The following ZNF254 variants were observed in gnomAD, a reference collection of about 807,000 sequenced individuals.
ZNF254 encodes CTD-2017D11.1.
A neutral mutation model predicts 12.4 loss-of-function variants in ZNF254; 10 were observed. The observed-to-expected ratio is 0.80, with a 90% CI of 0.50 to 1.36. The LOEUF is 1.36. Ranked by LOEUF, ZNF254 falls within the 40% of genes most tolerant of loss-of-function variation. The probability of loss-of-function intolerance (pLI) is 0.00; values close to 1 mark genes in which losing one functional copy is unlikely to be tolerated. For missense variants in ZNF254, 996 were observed against 763.9 expected, an observed-to-expected ratio of 1.30 and a Z score of -3.58; for synonymous variants, 305 against 253.4, an observed-to-expected ratio of 1.20 and a Z score of -1.93.
chr19:24,098,988 C>CTTTTTTTTTTTTTTTTTTTTTTTTTTT lies in ZNF254; in HGVS notation c.31-6950_31-6924dup. ...CTTCTTCTGCAGCTCAGGCTTCGCTCTTTTTTTTTTTTTTTTTTTTTTTTT... is the reference window on the plus strand; with the variant it reads ...CTTCTTCTGCAGCTCAGGCTTCGCTCTTTTTTTTTTTTTTTTTTTTTTTTTTTTTTTTTTTTTTTTTTTTTTTTTTTT... On this transcript the variant is annotated intron_variant, in intron 1 of 3. Coordinates refer to ENST00000357002, the MANE Select transcript of ZNF254 (RefSeq NM_203282.4). The CTTTTTTTTTTTTTTTTTTTTTTTTTTT allele has an allele frequency of 2.7e-5, 2 of 74,768 alleles. 1 individual carries two copies. Among genetic ancestry groups the CTTTTTTTTTTTTTTTTTTTTTTTTTTT allele is most frequent in the South Asian group, 1.0e-3 (2 of 2,004 alleles). 4.6% of individuals were successfully genotyped at this position (74,768 alleles called of 1,614,324 possible). A position where few individuals can be genotyped will look rare whatever the true frequency, so the allele number is the denominator to read the frequency against.
rs1313535038 is a variant in ZNF254, at chr19:24,106,656, G to A, written c.253+13G>A. On this transcript the variant is annotated intron_variant, in intron 3 of 3. Coordinates refer to ENST00000357002, the MANE Select transcript of ZNF254 (RefSeq NM_203282.4). ...GATGAACCCCCAGGTAGGTGAGAGT[G>A]AATACAACAGATGACATGGATGAGA... 4 of 1,566,364 alleles carry A rather than the reference G, an allele frequency of 2.6e-6. No individual in the cohort carries two copies. The highest frequency in any genetic ancestry group is 3.5e-6 in the Non-Finnish European group (4 of 1,150,846).
Position 24,128,112 on chromosome 19 carries a change from C to T in ZNF254, c.*132C>T. 1.1e-6 allele frequency: 1 copy of T among 924,964 alleles called. No homozygotes were observed. Among genetic ancestry groups the T allele is most frequent in the Non-Finnish European group, 1.5e-6 (1 of 670,562 alleles). 57.3% of individuals were successfully genotyped at this position (924,964 alleles called of 1,614,324 possible). On this transcript the variant is annotated 3_prime_UTR_variant, in exon 4 of 4. Transcript: ENST00000357002. ...ACCTAAAACTTTAAAGAAAATCATT[C>T]TGCTGAAAAATCCTAGAAATGTGAA...
At position 24,126,490 on chromosome 19, in the gene ZNF254, T is replaced by C. The variant is rs753836188; in HGVS notation, c.490T>C (p.Tyr164His). 1.3e-6 allele frequency: 2 copies of C among 1,587,420 alleles called. No individual in the cohort carries two copies. The highest frequency in any genetic ancestry group is 1.7e-6 in the Non-Finnish European group (2 of 1,171,912). ...FQCDKYLKVFYKFLNSNRPKI... is the reference protein window; with the variant it reads ...FQCDKYLKVFHKFLNSNRPKI... ...ATGTGATAAATATTTGAAAGTCTTC[T>C]ATAAATTTTTAAATTCAAACAGACC... Residue 164 changes from tyrosine to histidine, a missense_variant, in exon 4 of 4, where the codon TAT (tyrosine) becomes CAT (histidine). By Grantham distance (83) the Tyr-to-His change is moderately conservative (BLOSUM62 2). Coordinates refer to ENST00000357002, the MANE Select transcript of ZNF254 (RefSeq NM_203282.4).
chr19:24,041,516 G>T (rs571529322), intron 1 of ZNF254, among the ~76,000 whole-genome samples: 2 of 152,374 alleles, frequency 1.3e-5, no homozygotes, highest in Non-Finnish European at 2.9e-5. Context: ...CCGGCGCTAC[G>T]CTCGATTTCT....
Position 24,128,226 on chromosome 19 carries a change from G to A in ZNF254, c.*246G>A. ...GAAAACTACCAGTGTGAACAACGTG[G>A]CCAAGCTTCGACAATGCTCACACCC... On this transcript the variant is annotated 3_prime_UTR_variant, in exon 4 of 4. Coordinates refer to ENST00000357002, the MANE Select transcript of ZNF254 (RefSeq NM_203282.4). 3 of 417,622 alleles carry A rather than the reference G, an allele frequency of 7.2e-6. No individual in the cohort carries two copies. Among genetic ancestry groups the A allele is most frequent in the Middle Eastern group, 6.5e-4 (1 of 1,536 alleles). 25.9% of individuals were successfully genotyped at this position (417,622 alleles called of 1,614,324 possible).
intron 2 of ZNF254, among the ~76,000 whole-genome samples, chr19:24,049,204 ATATATATATATT>A (rs1406068033): frequency 0.051 from 3,825 of 74,854 alleles, 119 homozygotes; most frequent in Middle Eastern, 0.085. Flanking sequence ...ATATATATAT[ATATATATATATT>A]TTTTTTTTTT....
chr19:24,096,189 G>T (rs1241088972), intron 1 of ZNF254, among the ~76,000 whole-genome samples: 3 of 151,504 alleles, frequency 2.0e-5, no homozygotes, highest in East Asian at 3.9e-4. Flanking sequence ...CTTTCAAGTA[G>T]TTGGGATTAC....
intron 3 of ZNF254, among the ~76,000 whole-genome samples, chr19:24,113,933 T>C (rs1310192338): frequency 6.6e-6 from 1 of 152,166 alleles, no homozygotes; most frequent in Non-Finnish European, 1.5e-5. Context: ...CATAATTGCT[T>C]CGAAGAGAAT....
At chr19:24,034,428 T>C (rs1437208003) in intron 1 of ZNF254, among the ~76,000 whole-genome samples, 1 of 151,838 alleles carries the variant, frequency 6.6e-6, no homozygotes, top group Non-Finnish European at 1.5e-5. Context: ...AATAGAGTTA[T>C]TGTTCTGAGG....
At chr19:24,101,275 AAAT>A (rs1973009478) in intron 1 of ZNF254, among the ~76,000 whole-genome samples, 2 of 152,248 alleles carry the variant, frequency 1.3e-5, no homozygotes, top group Admixed American at 6.5e-5. Flanking sequence ...TAGAATCTGC[AAAT>A]AAGGTCTGGC....
chr19:24,090,235 A>G (rs768775356), intron 1 of ZNF254, among the ~76,000 whole-genome samples: 20 of 151,930 alleles, frequency 1.3e-4, no homozygotes, highest in Non-Finnish European at 2.6e-4. Flanking sequence ...GACCCCAGTG[A>G]GATGGTGTAA....
intron 1 of ZNF254, among the ~76,000 whole-genome samples, chr19:24,087,942 G>A (rs1292523984): frequency 7.1e-6 from 1 of 139,976 alleles, no homozygotes; most frequent in East Asian, 2.3e-4. Flanking sequence ...TTGAGACAGA[G>A]TCTCACTTTT....
intron 3 of ZNF254, chr19:24,107,218 T>C: frequency 6.1e-6 from 4 of 654,420 alleles, no homozygotes; most frequent in Non-Finnish European, 1.1e-5. Flanking sequence ...CATTTTAGGA[T>C]TGGATTTTTC....
chr19:24,040,439 T>C (rs1022742600), intron 1 of ZNF254, among the ~76,000 whole-genome samples: 1 of 152,232 alleles, frequency 6.6e-6, no homozygotes, highest in African/African-American at 2.4e-5. Context: ...CAATAATTGT[T>C]CCACAGTCAT....
chr19:24,069,856 G>A (rs1033918474), intron 2 of ZNF254, among the ~76,000 whole-genome samples: 4 of 152,158 alleles, frequency 2.6e-5, no homozygotes, highest in African/African-American at 9.7e-5. Flanking sequence ...GGAGGCTGAG[G>A]CAGGAGAATC....
At chr19:24,058,678 G>T (rs1015689520) in intron 2 of ZNF254, among the ~76,000 whole-genome samples, 2 of 151,974 alleles carry the variant, frequency 1.3e-5, no homozygotes, top group Non-Finnish European at 2.9e-5. Flanking sequence ...AAAGTGCTGG[G>T]ATTACAGTTG....
intron 2 of ZNF254, chr19:24,080,252 T>A (rs942763853): frequency 2.0e-5 from 3 of 152,186 alleles, no homozygotes; most frequent in Admixed American, 6.5e-5. Flanking sequence ...CCCTCCTGGG[T>A]CTTGGGTTGA....
At chr19:24,117,924 A>G (rs750376531) in intron 3 of ZNF254, among the ~76,000 whole-genome samples, 3 of 152,100 alleles carry the variant, frequency 2.0e-5, no homozygotes, top group Admixed American at 6.6e-5. Flanking sequence ...TTTTATATAT[A>G]GATTCATAAA....
chr19:24,068,084 C>T (rs1971343895), intron 2 of ZNF254, among the ~76,000 whole-genome samples: 1 of 152,188 alleles, frequency 6.6e-6, no homozygotes, highest in African/African-American at 2.4e-5. Context: ...CTGGGCCCTG[C>T]CCACAGATGG....
Sources: allele counts gnomAD v4.1 joint callset (sites outside exome capture counted in the v4.1 genomes callset), GRCh38; gene constraint gnomAD v4.1.1; transcripts MANE v1.5; gene names NCBI Gene and HGNC (gene_info 2026-07-23, HGNC 2026-07-21).